Variants in HBS1L observed in about 807,000 individuals in gnomAD.
HBS1L encodes HBS1-like protein.
In HBS1L, 55 loss-of-function variants were observed where a neutral mutation model predicts 88.9. The observed-to-expected ratio is 0.62, with a 90% confidence interval of 0.50 to 0.77. The LOEUF (loss-of-function observed/expected upper bound fraction) is 0.77. HBS1L is among the 30% of genes least tolerant of loss of function. HBS1L has a pLI of 0.00. For synonymous variants in HBS1L, 267 were observed against 288.5 expected (o/e 0.93, Z 0.76); for missense variants, 741 against 829.3 (o/e 0.89, Z 1.31).
chr6:134,966,150 C>G (rs993774998), intron 17 of HBS1L, among the ~76,000 whole-genome samples, 179 bp downstream of exon 17: 94 of 152,086 alleles, frequency 6.2e-4, no homozygotes, highest in African/African-American at 2.1e-3. Context: ...AAGATTTTAC[C>G]AATCTTCCAA....
chr6:135,013,561 T>A (rs969849435), intron 4 of HBS1L, among the ~76,000 whole-genome samples: 7 of 152,152 alleles, frequency 4.6e-5, no homozygotes, highest in Non-Finnish European at 8.8e-5. Flanking sequence ...GAGAAACATA[T>A]CATACTTTTA....
At chr6:135,039,888 G>A (rs1776675892) in intron 3 of HBS1L, 121 bp from the exon 4 acceptor site, 1 of 729,214 alleles carries the variant, frequency 1.4e-6, no homozygotes, top group Non-Finnish European at 2.1e-6. Flanking sequence ...CCTTCTCTTT[G>A]GCAAAAATTA....
intron 8 of HBS1L, among the ~76,000 whole-genome samples, chr6:134,993,459 T>A (rs1432593036): frequency 6.6e-6 from 1 of 152,122 alleles, no homozygotes; most frequent in Non-Finnish European, 1.5e-5. Flanking sequence ...GGCCAACTTA[T>A]CAATAAAGGA....
chr6:135,031,881 G>A (rs982794871), intron 4 of HBS1L, among the ~76,000 whole-genome samples: 19 of 147,508 alleles, frequency 1.3e-4, no homozygotes, highest in Non-Finnish European at 1.3e-4. Flanking sequence ...TGCCCAGGCT[G>A]AACCTGAACT....
At chr6:135,047,418 T>C (rs1173676600) in intron 2 of HBS1L, among the ~76,000 whole-genome samples, 1 of 152,206 alleles carries the variant, frequency 6.6e-6, no homozygotes, top group East Asian at 1.9e-4. Flanking sequence ...AATTTTCTCT[T>C]GAATGTATTT....
intron 2 of HBS1L, among the ~76,000 whole-genome samples, chr6:135,048,488 A>G (rs535849816): frequency 6.6e-6 from 1 of 152,122 alleles, no homozygotes; most frequent in African/African-American, 2.4e-5. Context: ...TCCTGGCCCC[A>G]CAGTCCCTCT....
intron 15 of HBS1L, among the ~76,000 whole-genome samples, chr6:134,972,129 T>A (rs889322963): frequency 6.6e-6 from 1 of 152,214 alleles, no homozygotes; most frequent in African/African-American, 2.4e-5. Flanking sequence ...TCTAAAACCA[T>A]TGCTCTAAAG....
Position 134,963,295 on chromosome 6 carries a change from A to T in HBS1L, c.*1984T>A, listed in dbSNP as rs1018962886. ...AAATTCAATCATAGTCAATGATGAG[A>T]TGTTTCTAGGACTTCTGGAGAAGAT... On this transcript the variant is annotated 3_prime_UTR_variant, in exon 18 of 18. Transcript: ENST00000367837. The T allele has an allele frequency of 6.6e-6, 1 of 152,312 alleles. No homozygotes were observed. The highest frequency in any genetic ancestry group is 2.4e-5 in the African/African-American group (1 of 41,580). 9.4% of individuals were successfully genotyped at this position (152,312 alleles called of 1,614,324 possible).
chr6:135,014,500 A>G lies in HBS1L; in HGVS notation c.431-11658T>C, dbSNP rs559554388. 4.6e-5 allele frequency among the ~76,000 whole-genome samples: 7 copies of G among 152,348 alleles called. No individual in the cohort carries two copies. In the East Asian group the frequency reaches 7.7e-4, roughly 17 times the overall value. On this transcript the variant is annotated intron_variant, in intron 4 of 17. Transcript: ENST00000367837. ...GAAAAAAAGAGACAGAGAAATTAAG[A>G]TAAGTTTCTAGGAGACCACAACCAC... is the stretch of plus-strand genomic sequence containing the variant.
At chr6:135,031,836 C>CT (rs1240386300) in intron 4 of HBS1L, among the ~76,000 whole-genome samples, 193 of 142,396 alleles carry the variant, frequency 1.4e-3, no homozygotes, top group Non-Finnish European at 1.6e-3. Context: ...TTTGTTTTTT[C>CT]TTTTTTTTTT....
In HBS1L at chr6:135,009,448, T is replaced by C. The variant is rs540293727; in HGVS notation, c.431-6606A>G. The stretch of plus-strand genomic sequence containing the variant: ...TAATAAAGAGGAGGCAAAAATAATA[T>C]GAGAAAAGGCATAAGCAGGGGTCAG... On this transcript the variant is annotated intron_variant, in intron 4 of 17. Transcript: ENST00000367837. 1.2e-4 allele frequency among the ~76,000 whole-genome samples: 18 copies of C among 152,068 alleles called. No individual in the cohort carries two copies. The South Asian group carries it at 3.3e-3, about 28-fold the overall frequency.
intron 4 of HBS1L, among the ~76,000 whole-genome samples, chr6:135,024,439 C>CA (rs60663059): frequency 0.053 from 3,418 of 64,888 alleles, 109 homozygotes; most frequent in African/African-American, 0.086. Context: ...GACTTCGTCT[C>CA]AAAAAAAAAA....
At chr6:134,973,106 G>A (rs1030012831) in intron 15 of HBS1L, among the ~76,000 whole-genome samples, 1 of 152,210 alleles carries the variant, frequency 6.6e-6, no homozygotes, top group Non-Finnish European at 1.5e-5. Context: ...ATGCCCAAAA[G>A]AATGGAAAGC....
chr6:134,984,130 CT>C (rs1774912456), intron 12 of HBS1L, among the ~76,000 whole-genome samples: 1 of 152,158 alleles, frequency 6.6e-6, no homozygotes, highest in South Asian at 2.1e-4. Context: ...TCAGCAAACA[CT>C]GTTAATCAAA....
intron 4 of HBS1L, among the ~76,000 whole-genome samples, chr6:135,033,448 C>T (rs1014204056): frequency 3.3e-5 from 5 of 152,148 alleles, no homozygotes; most frequent in East Asian, 1.9e-4. Context: ...GTTCCACCTT[C>T]GCAGTCTCAA....
intron 3 of HBS1L, 133 bp from the exon 4 acceptor site, chr6:135,039,900 C>G: frequency 1.5e-6 from 1 of 663,316 alleles, no homozygotes; most frequent in South Asian, 2.1e-5. Context: ...CAAAAATTAT[C>G]TCTAATGATC....
intron 5 of HBS1L, among the ~76,000 whole-genome samples, chr6:135,001,895 A>T (rs1041778142): frequency 6.6e-6 from 1 of 151,826 alleles, no homozygotes; most frequent in South Asian, 2.1e-4. Flanking sequence ...AAAAAAATAA[A>T]TAAGGTTCCT....
chr6:135,041,304 A>G (rs1380830774), intron 3 of HBS1L, among the ~76,000 whole-genome samples: 1 of 151,912 alleles, frequency 6.6e-6, no homozygotes, highest in Non-Finnish European at 1.5e-5. Context: ...AAATACATCA[A>G]TTATTGAAAC....
intron 8 of HBS1L, among the ~76,000 whole-genome samples, chr6:134,992,796 G>T (rs1775180854): frequency 6.6e-6 from 1 of 152,052 alleles, no homozygotes; most frequent in Non-Finnish European, 1.5e-5. Context: ...TACTATTAAA[G>T]AAAAACATAT....
Sources: allele counts gnomAD v4.1 joint callset (sites outside exome capture counted in the v4.1 genomes callset), GRCh38; gene constraint gnomAD v4.1.1; transcripts MANE v1.5; gene names NCBI Gene and HGNC (gene_info 2026-07-23, HGNC 2026-07-21).